Variants in SMAD4 observed in about 807,000 individuals in gnomAD.
The protein encoded by SMAD4 is SMAD family member 4.
In SMAD4, 7 loss-of-function variants were observed where a neutral mutation model predicts 63.2. The ratio of observed to expected loss-of-function variants is 0.11; its 90% CI spans 0.06 to 0.21. SMAD4 has a LOEUF of 0.21. Among genes scored for constraint, SMAD4 ranks in the 10% least tolerant of loss-of-function variants. The pLI, the probability that SMAD4 is intolerant of heterozygous loss-of-function variation, is 1.00. For synonymous variants in SMAD4, 215 were observed against 235.4 expected, an observed-to-expected ratio of 0.91 and a Z score of 0.79; for missense variants, 312 against 693.8, an observed-to-expected ratio of 0.45 and a Z score of 6.18.
At chr18:51,044,074 C>T (rs184859663) in intron 1 of SMAD4, among the ~76,000 whole-genome samples, 1 of 152,324 alleles carries the variant, frequency 6.6e-6, no homozygotes. Flanking sequence ...GTAATTTACA[C>T]ATGTAATTTA....
At chr18:51,063,926 T>G (rs1910083218) in intron 8 of SMAD4, among the ~76,000 whole-genome samples, 1 of 152,258 alleles carries the variant, frequency 6.6e-6, no homozygotes, top group East Asian at 1.9e-4. Context: ...TTTTGATAAC[T>G]CCTCATTGCA....
At chr18:51,045,911 C>T (rs797022704) in intron 1 of SMAD4, among the ~76,000 whole-genome samples, 6 of 152,204 alleles carry the variant, frequency 3.9e-5, no homozygotes, top group African/African-American at 1.2e-4. Flanking sequence ...TCACTGACTT[C>T]TTTCACTTAG....
At chr18:51,066,436 C>G (rs1040337570) in intron 9 of SMAD4, among the ~76,000 whole-genome samples, 3 of 151,664 alleles carry the variant, frequency 2.0e-5, no homozygotes, top group African/African-American at 7.3e-5. Flanking sequence ...TGTATGATCT[C>G]GGCTTTTAAG....
In SMAD4 at chr18:51,054,884, A is replaced by C; in HGVS notation, c.558A>C (p.Pro186=). The change falls in exon 5 of 12, where the codon CCA becomes CCC. Residue 186 remains proline (P), a synonymous_variant. Coordinates refer to ENST00000342988, the MANE Select transcript of SMAD4 (RefSeq NM_005359.6). The stretch of plus-strand genomic sequence containing the variant: ...CAATTCAAACCATCCAGCATCCACC[A>C]AGTAATCGTGCATCGACAGAGACAT... The part of the protein sequence containing the change: ...GHSIQTIQHP[P]SNRASTETYS... The C allele has an allele frequency of 6.2e-7, 1 of 1,614,140 alleles. No homozygotes were observed. The highest frequency in any genetic ancestry group is 8.5e-7 in the Non-Finnish European group (1 of 1,179,954).
Position 51,084,824 on chromosome 18 carries a change from C to T in SMAD4, c.*6357C>T, listed in dbSNP as rs1910709221. ...TGGTGGTATTTCCCAACTGTTTCCT[C>T]CCCTAAATTCAGAGGAATGCAGCTA... On this transcript the variant is annotated 3_prime_UTR_variant, in exon 12 of 12. Coordinates refer to ENST00000342988, the MANE Select transcript of SMAD4 (RefSeq NM_005359.6). 4.4e-6 allele frequency: 1 copy of T among 228,718 alleles called. No individual in the cohort carries two copies. The highest frequency in any genetic ancestry group is 6.2e-5 in the East Asian group (1 of 16,130). The allele number at this position is 228,718 out of a possible 1,614,324, so 14.2% of individuals were successfully genotyped here.
At chr18:51,055,851 G>A (rs1383126033) in intron 5 of SMAD4, among the ~76,000 whole-genome samples, 4 of 152,066 alleles carry the variant, frequency 2.6e-5, no homozygotes, top group Non-Finnish European at 5.9e-5. Flanking sequence ...AGTTGCTACC[G>A]AAAGTACCAT....
chr18:51,036,403 A>G (rs776322831), intron 1 of SMAD4, among the ~76,000 whole-genome samples: 1 of 152,214 alleles, frequency 6.6e-6, no homozygotes, highest in Non-Finnish European at 1.5e-5. Context: ...TGTTATCAGT[A>G]GATGGGCAGT....
In SMAD4 at chr18:51,046,960, T is replaced by C; in HGVS notation, c.-87T>C. Reference sequence around the variant, plus strand: ...TGTCTAACAATTTTCCTTGCAACGTTAGCTGTTGTTTTTCACTGTTTCCAA... The same window carrying C: ...TGTCTAACAATTTTCCTTGCAACGTCAGCTGTTGTTTTTCACTGTTTCCAA... On this transcript the variant is annotated 5_prime_UTR_variant, in exon 2 of 12. Transcript: ENST00000342988. The C allele has an allele frequency of 4.9e-6, 6 of 1,216,382 alleles. No homozygotes were observed. The highest frequency in any genetic ancestry group is 1.2e-6 in the Non-Finnish European group (1 of 826,166). The allele number at this position is 1,216,382 out of a possible 1,614,324, so 75.3% of individuals were successfully genotyped here. A position where few individuals can be genotyped will look rare whatever the true frequency, so the allele number is the denominator to read the frequency against.
chr18:51,073,953 A>G (rs1910403940), intron 10 of SMAD4, among the ~76,000 whole-genome samples: 1 of 152,204 alleles, frequency 6.6e-6, no homozygotes, highest in Non-Finnish European at 1.5e-5. Flanking sequence ...GGGTCAGAGA[A>G]TGAGAAGACA....
intron 4 of SMAD4, 75 bp from the exon 5 acceptor site, chr18:51,054,704 ATT>A (rs1351107406): frequency 1.1e-6 from 1 of 934,088 alleles, no homozygotes; most frequent in Non-Finnish European, 1.7e-6. Context: ...GTGTTATTAT[ATT>A]ACTTGCTAAT....
In SMAD4 at chr18:51,084,012, G is replaced by GCACGCA. The variant is rs1910682542; in HGVS notation, c.*5548_*5549insGCACAC. On this transcript the variant is annotated 3_prime_UTR_variant, in exon 12 of 12. Transcript: ENST00000342988. ...TTAACGCGCGTGCGCACGCGCGCGC[G>GCACGCA]CACACACACACACACACACACACAC... 1 of 152,640 alleles carries GCACGCA rather than the reference G, an allele frequency of 6.6e-6. No homozygotes were observed. Among genetic ancestry groups the GCACGCA allele is most frequent in the South Asian group, 2.4e-4 (1 of 4,196 alleles). 9.5% of individuals were successfully genotyped at this position (152,640 alleles called of 1,614,324 possible).
At position 51,084,033 on chromosome 18, in the gene SMAD4, CACACACACACAG is replaced by C. The variant is rs1910685356; in HGVS notation, c.*5567_*5578del. 2 of 231,844 alleles carry C rather than the reference CACACACACACAG, an allele frequency of 8.6e-6. No homozygotes were observed. Among genetic ancestry groups the C allele is most frequent in the African/African-American group, 4.5e-5 (2 of 44,802 alleles). 14.4% of individuals were successfully genotyped at this position (231,844 alleles called of 1,614,324 possible). ...GCGCGCACACACACACACACACACA[CACACACACACAG>C]GTCAGAGTTTAAGGCTTTCGAGTCA... On this transcript the variant is annotated 3_prime_UTR_variant, in exon 12 of 12. Coordinates refer to ENST00000342988, the MANE Select transcript of SMAD4 (RefSeq NM_005359.6).
rs116967263 is a variant in SMAD4 at position 51,076,081 on chromosome 18, T to G, written c.1309-557T>G. 3.2e-3 allele frequency among the ~76,000 whole-genome samples: 482 copies of G among 152,348 alleles called. 2 individuals are homozygous for G. Among genetic ancestry groups the G allele is most frequent in the Non-Finnish European group, 4.4e-3 (301 of 68,024 alleles). ...AATTTTATATTTGTTTGATCTAGTC[T>G]TTTTGTTGTTGTTGTTTCTTAAGTA... On this transcript the variant is annotated intron_variant, in intron 10 of 11. Transcript: ENST00000342988.
chr18:51,078,636 A>G lies in SMAD4; in HGVS notation c.*169A>G, dbSNP rs563321159. 4.7e-5 allele frequency: 28 copies of G among 597,906 alleles called. No individual in the cohort carries two copies. In the South Asian group the frequency reaches 6.3e-4, roughly 13 times the overall value. The allele number at this position is 597,906 out of a possible 1,614,324, so 37.0% of individuals were successfully genotyped here. A position where few individuals can be genotyped will look rare whatever the true frequency, so the allele number is the denominator to read the frequency against. On this transcript the variant is annotated 3_prime_UTR_variant, in exon 12 of 12. Transcript: ENST00000342988. Reference sequence around the variant, plus strand: ...TAGCAGACAGAAACTGGATTAAAACAATTTTTTTTTTCCTCTTCAGAACTT... The same window carrying G: ...TAGCAGACAGAAACTGGATTAAAACGATTTTTTTTTTCCTCTTCAGAACTT...
intron 1 of SMAD4, chr18:51,045,025 G>A (rs1555684829): frequency 1.3e-5 from 2 of 152,236 alleles, no homozygotes; most frequent in South Asian, 4.1e-4. Flanking sequence ...GATAACAACA[G>A]AGGGAGGAGC....
At position 51,079,674 on chromosome 18, in the gene SMAD4, G is replaced by C. The variant is rs1910561534; in HGVS notation, c.*1207G>C. 4.3e-6 allele frequency: 1 copy of C among 233,438 alleles called. No homozygotes were observed. The allele number at this position is 233,438 out of a possible 1,614,324, so 14.5% of individuals were successfully genotyped here. ...TATCAATTGGCAGTGACTTTGTATAGAGAATTTAAGTAGAAAAGTTGCAGA... is the reference window on the plus strand; with the variant it reads ...TATCAATTGGCAGTGACTTTGTATACAGAATTTAAGTAGAAAAGTTGCAGA... On this transcript the variant is annotated 3_prime_UTR_variant, in exon 12 of 12. Coordinates refer to ENST00000342988, the MANE Select transcript of SMAD4 (RefSeq NM_005359.6).
chr18:51,076,211 C>T (rs771090556), intron 10 of SMAD4, among the ~76,000 whole-genome samples: 6 of 152,132 alleles, frequency 3.9e-5, no homozygotes, highest in Non-Finnish European at 7.4e-5. Context: ...TTTTGTTAAA[C>T]TCCTCCAAAT....
At chr18:51,049,053 C>T (rs1309635659) in intron 3 of SMAD4, among the ~76,000 whole-genome samples, 193 bp downstream of exon 3, 4 of 152,026 alleles carry the variant, frequency 2.6e-5, no homozygotes, top group East Asian at 3.9e-4. Flanking sequence ...CTGCTAAAAC[C>T]GAGTATTGTA....
chr18:51,062,889 G>A (rs1471967443), intron 8 of SMAD4, among the ~76,000 whole-genome samples: 1 of 116,122 alleles, frequency 8.6e-6, no homozygotes, highest in Non-Finnish European at 1.6e-5. Flanking sequence ...ACGGAGTCTC[G>A]CTCTGTCACC....
Sources: gnomAD v4.1 joint callset for allele counts (sites outside exome capture counted in the v4.1 genomes callset) on GRCh38, gnomAD v4.1.1 for gene constraint, MANE v1.5 for transcripts, NCBI Gene and HGNC (gene_info 2026-07-23, HGNC 2026-07-21) for gene names.